PACC1: variants seen among roughly 807,000 people sequenced by gnomAD.
The protein encoded by PACC1 is proton activated chloride channel 1.
A neutral mutation model predicts 39.7 loss-of-function variants in PACC1; 34 were observed. The observed-to-expected ratio is 0.86, with a 90% CI of 0.65 to 1.14. PACC1 has a LOEUF of 1.14. Among genes scored for constraint, PACC1 ranks in the 50% most tolerant of loss-of-function variants. PACC1 has a pLI of 0.00. For synonymous variants in PACC1, 127 were observed against 160.6 expected (o/e 0.79, Z 1.58); for missense variants, 379 against 436.4 (o/e 0.87, Z 1.17).
At chr1:212,380,246 C>T (rs1660828777) in intron 4 of PACC1, among the ~76,000 whole-genome samples, 1 of 152,220 alleles carries the variant, frequency 6.6e-6, no homozygotes, top group Non-Finnish European at 1.5e-5. Flanking sequence ...CTGAATGCAG[C>T]TCATCCTCTG....
At chr1:212,393,295 C>G (rs1661394956) in intron 2 of PACC1, among the ~76,000 whole-genome samples, 1 of 152,202 alleles carries the variant, frequency 6.6e-6, no homozygotes, top group South Asian at 2.1e-4. Context: ...CTCAAAACCC[C>G]TCAACTACAT....
intron 4 of PACC1, among the ~76,000 whole-genome samples, chr1:212,381,172 A>AT (rs914908322): frequency 6.6e-6 from 1 of 152,096 alleles, no homozygotes; most frequent in Admixed American, 6.5e-5. Context: ...AAGTGATGGT[A>AT]TTTTTTACTT....
chr1:212,396,049 A>T (rs910613269), intron 2 of PACC1, among the ~76,000 whole-genome samples: 3 of 152,244 alleles, frequency 2.0e-5, no homozygotes, highest in Non-Finnish European at 2.9e-5. Flanking sequence ...GGGATCTAGA[A>T]CTAGAAATAC....
intron 7 of PACC1, among the ~76,000 whole-genome samples, chr1:212,369,606 C>A (rs1660370782): frequency 6.6e-6 from 1 of 151,930 alleles, no homozygotes. Context: ...CATGGCAAAA[C>A]CCTGTCTCTA....
In PACC1 at chr1:212,365,303, T is replaced by A; in HGVS notation, c.965A>T (p.Glu322Val). The A allele has an allele frequency of 6.2e-7, 1 of 1,614,032 alleles. No homozygotes were observed. Among genetic ancestry groups the A allele is most frequent in the Non-Finnish European group, 8.5e-7 (1 of 1,180,016 alleles). The change falls in exon 8 of 8, where the codon GAG becomes GTG. Residue 322 changes from glutamate (E) to valine (V), a missense_variant. Physicochemically the swap from Glu to Val is moderately radical, Grantham distance 121 (BLOSUM62 -2). Coordinates refer to ENST00000261455, the MANE Select transcript of PACC1 (RefSeq NM_018252.3). ...GAFLALFKAAEFAKLSIKWMI... is the reference protein window; with the variant it reads ...GAFLALFKAAVFAKLSIKWMI... ...CCATTTTATACTCAGTTTGGCAAAC[T>A]CTGCTGCTTTAAATAATGCCAAGAA...
chr1:212,369,855 C>T (rs977040046), intron 7 of PACC1, among the ~76,000 whole-genome samples: 6 of 149,676 alleles, frequency 4.0e-5, no homozygotes, highest in Non-Finnish European at 7.4e-5. Flanking sequence ...ACAGGTTTAA[C>T]TATACCTGTA....
intron 7 of PACC1, among the ~76,000 whole-genome samples, chr1:212,368,994 C>T (rs1367260585): frequency 6.7e-6 from 1 of 149,600 alleles, no homozygotes; most frequent in Non-Finnish European, 1.5e-5. Flanking sequence ...CCACTGCACT[C>T]CAGCCTGGGT....
At chr1:212,366,386 C>T (rs547406148) in intron 7 of PACC1, among the ~76,000 whole-genome samples, 2 of 150,920 alleles carry the variant, frequency 1.3e-5, no homozygotes, top group African/African-American at 2.4e-5. Context: ...CTGCAACCTC[C>T]GCCTCCCGGG....
At chr1:212,365,436 T>G in intron 7 of PACC1, 60 bp from the exon 8 acceptor site, 1 of 1,493,176 alleles carries the variant, frequency 6.7e-7, no homozygotes, top group South Asian at 1.4e-5. Flanking sequence ...ATTCTTTTTT[T>G]TTTTTTTTTT....
intron 2 of PACC1, among the ~76,000 whole-genome samples, chr1:212,406,084 A>G (rs1484583572): frequency 2.3e-5 from 3 of 132,518 alleles, no homozygotes; most frequent in African/African-American, 9.3e-5. Flanking sequence ...AGCCCAGTCC[A>G]CAAAGCAAGG....
intron 1 of PACC1, among the ~76,000 whole-genome samples, chr1:212,413,028 TCTGA>T (rs1278830849): frequency 3.3e-5 from 5 of 152,344 alleles, no homozygotes; most frequent in Non-Finnish European, 5.9e-5. Flanking sequence ...ACGTGGGCTT[TCTGA>T]CTTTTATCCA....
At chr1:212,408,222 G>C (rs1661994009) in intron 2 of PACC1, among the ~76,000 whole-genome samples, 1 of 152,108 alleles carries the variant, frequency 6.6e-6, no homozygotes, top group South Asian at 2.1e-4. Flanking sequence ...CTGTAAAAGG[G>C]GGATAACCAC....
At chr1:212,403,678 C>T (rs146580024) in intron 2 of PACC1, among the ~76,000 whole-genome samples, 49 of 152,306 alleles carry the variant, frequency 3.2e-4, no homozygotes, top group African/African-American at 1.2e-3. Context: ...GATTCTTCCA[C>T]CTCAGCCTCC....
intron 7 of PACC1, among the ~76,000 whole-genome samples, chr1:212,368,124 A>AT (rs2102463368): frequency 6.6e-6 from 1 of 152,302 alleles, no homozygotes; most frequent in South Asian, 2.1e-4. Flanking sequence ...TCAGGGCTGG[A>AT]TATCTAGAAG....
chr1:212,377,110 T>TA (rs1311867919), intron 6 of PACC1, among the ~76,000 whole-genome samples: 1 of 152,164 alleles, frequency 6.6e-6, no homozygotes, highest in African/African-American at 2.4e-5. Flanking sequence ...AGCCAGGAGA[T>TA]ACACCTGGCA....
chr1:212,383,836 GCT>G (rs1269585398), intron 4 of PACC1, among the ~76,000 whole-genome samples: 1 of 148,202 alleles, frequency 6.7e-6, no homozygotes, highest in Non-Finnish European at 1.5e-5. Context: ...GTAGAAGTCT[GCT>G]CTGTTTCCTA....
At chr1:212,383,155 C>T (rs887712406) in intron 4 of PACC1, among the ~76,000 whole-genome samples, 13 of 152,204 alleles carry the variant, frequency 8.5e-5, no homozygotes, top group Non-Finnish European at 1.5e-4. Context: ...GGAGATGAAC[C>T]AACACTCAGA....
At chr1:212,406,504 A>G (rs1026093056) in intron 2 of PACC1, among the ~76,000 whole-genome samples, 1 of 152,048 alleles carries the variant, frequency 6.6e-6, no homozygotes, top group African/African-American at 2.4e-5. Flanking sequence ...TGACACAGGG[A>G]GACTGTCTCA....
intron 6 of PACC1, 124 bp from the exon 7 acceptor site, chr1:212,375,424 GGA>G (rs1393107388): frequency 9.3e-6 from 6 of 641,974 alleles, no homozygotes; most frequent in Admixed American, 2.7e-5. Flanking sequence ...ACTATTTTTT[GGA>G]GAGAGAGTGG....
Sources: gnomAD v4.1 joint callset for allele counts (sites outside exome capture counted in the v4.1 genomes callset) on GRCh38, gnomAD v4.1.1 for gene constraint, MANE v1.5 for transcripts, NCBI Gene and HGNC (gene_info 2026-07-23, HGNC 2026-07-21) for gene names.